The following SLC10A7 variants were observed in gnomAD, a reference collection of about 807,000 sequenced individuals.
SLC10A7 encodes solute carrier family 10 member 7.
SLC10A7 carries 29 observed loss-of-function variants against 43.2 expected under a neutral mutation model. The observed-to-expected ratio is 0.67, with a 90% CI of 0.50 to 0.92. The LOEUF is 0.92. SLC10A7 is among the 40% of genes least tolerant of loss of function. The pLI, the probability that SLC10A7 is intolerant of heterozygous loss-of-function variation, is 0.00. For missense variants in SLC10A7, 295 were observed against 403.2 expected (o/e 0.73, Z 2.30); for synonymous variants, 152 against 144.8 (o/e 1.05, Z -0.35).
chr4:146,512,638 T>C (rs1560983558), intron 2 of SLC10A7, among the ~76,000 whole-genome samples: 1 of 152,208 alleles, frequency 6.6e-6, no homozygotes, highest in Non-Finnish European at 1.5e-5. Flanking sequence ...GAGAGCAACC[T>C]GGCAACTCAT....
At chr4:146,416,072 A>G (rs1266956984) in intron 5 of SLC10A7, among the ~76,000 whole-genome samples, 1 of 152,178 alleles carries the variant, frequency 6.6e-6, no homozygotes, top group Non-Finnish European at 1.5e-5. Context: ...TTCAGAACCT[A>G]GTCTAGTGTC....
At chr4:146,305,791 A>C (rs1731527604) in intron 7 of SLC10A7, 135 bp downstream of exon 7, 2 of 734,272 alleles carry the variant, frequency 2.7e-6, no homozygotes, top group East Asian at 3.0e-5. Context: ...GTGATTGATG[A>C]AAGTTTTGTT....
chr4:146,429,377 G>C (rs1405919694), intron 5 of SLC10A7, among the ~76,000 whole-genome samples: 1 of 152,064 alleles, frequency 6.6e-6, no homozygotes, highest in Non-Finnish European at 1.5e-5. Context: ...AGCATTCATT[G>C]GGTGATTTCT....
intron 5 of SLC10A7, among the ~76,000 whole-genome samples, chr4:146,419,394 A>G (rs1728799905): frequency 6.6e-6 from 1 of 152,240 alleles, no homozygotes; most frequent in Admixed American, 6.5e-5. Flanking sequence ...TACATATTTC[A>G]CAATATCACA....
intron 10 of SLC10A7, among the ~76,000 whole-genome samples, chr4:146,263,645 A>G (rs951790544): frequency 6.6e-6 from 1 of 152,222 alleles, no homozygotes; most frequent in Non-Finnish European, 1.5e-5. Flanking sequence ...CTGTGTCACC[A>G]TGGTTGACAG....
At chr4:146,287,127 C>A (rs913343847) in intron 9 of SLC10A7, among the ~76,000 whole-genome samples, 3 of 116,396 alleles carry the variant, frequency 2.6e-5, no homozygotes, top group African/African-American at 1.0e-4. Flanking sequence ...TGAGAAGGAC[C>A]GTGTCTGGAG....
chr4:146,259,411 A>T (rs116685321), intron 10 of SLC10A7, among the ~76,000 whole-genome samples: 3,322 of 152,262 alleles, frequency 0.022, 108 homozygotes, highest in African/African-American at 0.076. Context: ...ATCATTAGGT[A>T]AGGGTCATAC....
intron 6 of SLC10A7, among the ~76,000 whole-genome samples, chr4:146,317,320 T>G (rs1261695421): frequency 6.6e-6 from 1 of 152,086 alleles, no homozygotes; most frequent in East Asian, 1.9e-4. Flanking sequence ...TGGCTTCAAC[T>G]GCCAGGCACT....
chr4:146,348,476 AC>A (rs1734783421), intron 5 of SLC10A7, among the ~76,000 whole-genome samples: 1 of 152,118 alleles, frequency 6.6e-6, no homozygotes, highest in South Asian at 2.1e-4. Flanking sequence ...GTGTAAAAGA[AC>A]TCCTGTTCTC....
chr4:146,298,901 G>A (rs1267279694), intron 7 of SLC10A7, among the ~76,000 whole-genome samples: 1 of 152,174 alleles, frequency 6.6e-6, no homozygotes, highest in Non-Finnish European at 1.5e-5. Context: ...GTGCAGCCAA[G>A]CAGTGAGGAA....
At chr4:146,331,905 T>A (rs1733562923) in intron 5 of SLC10A7, among the ~76,000 whole-genome samples, 1 of 152,154 alleles carries the variant, frequency 6.6e-6, no homozygotes, top group Non-Finnish European at 1.5e-5. Context: ...AGAGGTGGTA[T>A]AGGGAATTCT....
chr4:146,395,140 T>C (rs1738724852), intron 5 of SLC10A7, among the ~76,000 whole-genome samples: 1 of 152,038 alleles, frequency 6.6e-6, no homozygotes, highest in African/African-American at 2.4e-5. Flanking sequence ...AGGTGGAGGC[T>C]GGAGGACTGC....
rs1004802666 is a variant in SLC10A7 at position 146,521,179 on chromosome 4, G to A, written c.100+439C>T. Among the ~76,000 whole-genome samples the A allele has an allele frequency of 9.2e-5, 14 of 152,172 alleles. No individual in the cohort carries two copies. The East Asian group carries it at 1.2e-3, about 13-fold the overall frequency. On this transcript the variant is annotated intron_variant, in intron 1 of 11. Transcript: ENST00000335472. ...GGCCATAAAATCTGAGTTGGGGGCG[G>A]AGGTGTCCCTTTTCTTGTTTTTCCT...
intron 10 of SLC10A7, among the ~76,000 whole-genome samples, chr4:146,268,220 A>T (rs1039197898): frequency 4.6e-5 from 7 of 152,198 alleles, no homozygotes; most frequent in Admixed American, 3.9e-4. Context: ...GTAGTCAGGA[A>T]CTATTCGGCT....
intron 6 of SLC10A7, among the ~76,000 whole-genome samples, chr4:146,319,870 T>C (rs1243441093): frequency 2.0e-5 from 3 of 151,958 alleles, no homozygotes; most frequent in Non-Finnish European, 4.4e-5. Flanking sequence ...AAGTAGGACA[T>C]AATAAATGAC....
chr4:146,264,606 T>G (rs1728441178), intron 10 of SLC10A7, among the ~76,000 whole-genome samples: 1 of 152,166 alleles, frequency 6.6e-6, no homozygotes. Flanking sequence ...TCATAGCATT[T>G]GTCCTAACCA....
At position 146,292,307 on chromosome 4, in the gene SLC10A7, A is replaced by G. The variant is rs142589257; in HGVS notation, c.773+622T>C. Among the ~76,000 whole-genome samples, 1,085 of 152,294 alleles carry G rather than the reference A, an allele frequency of 7.1e-3. 16 individuals are homozygous for G. The highest frequency in any genetic ancestry group is 0.025 in the African/African-American group (1,026 of 41,556). On this transcript the variant is annotated intron_variant, in intron 9 of 11. Coordinates refer to ENST00000335472, the MANE Select transcript of SLC10A7 (RefSeq NM_001029998.6). ...AACAAAAGTTGGGTGTAGAAATGGAATTATCAGTAAGATATCCATTGAAAT... is the reference window on the plus strand; with the variant it reads ...AACAAAAGTTGGGTGTAGAAATGGAGTTATCAGTAAGATATCCATTGAAAT...
intron 5 of SLC10A7, among the ~76,000 whole-genome samples, chr4:146,329,255 T>A (rs761169185): frequency 8.5e-5 from 13 of 152,240 alleles, no homozygotes; most frequent in Admixed American, 2.6e-4. Context: ...AATCACTGTA[T>A]AATGCTGAAA....
chr4:146,286,731 G>A (rs1730000902), intron 9 of SLC10A7, among the ~76,000 whole-genome samples: 1 of 152,066 alleles, frequency 6.6e-6, no homozygotes, highest in Non-Finnish European at 1.5e-5. Flanking sequence ...ACTGAGTTTG[G>A]AGTGGTGAGA....
Sources: gnomAD v4.1 joint callset for allele counts (sites outside exome capture counted in the v4.1 genomes callset) on GRCh38, gnomAD v4.1.1 for gene constraint, MANE v1.5 for transcripts, NCBI Gene and HGNC (gene_info 2026-07-23, HGNC 2026-07-21) for gene names.